The following MARCHF10 variants were observed in gnomAD, a reference collection of about 807,000 sequenced individuals.
MARCHF10 encodes membrane associated ring-CH-type finger 10.
Under a neutral mutation model 76.2 loss-of-function variants are expected in MARCHF10, and 64 were observed. That is an observed-to-expected ratio of 0.84 (90% confidence interval 0.69 to 1.03). The LOEUF (loss-of-function observed/expected upper bound fraction) is 1.03, where lower values mean the gene tolerates loss of function less well. Ranked by LOEUF, MARCHF10 falls within the 50% of genes least tolerant of loss-of-function variation. The pLI is 0.00. For missense variants in MARCHF10, 875 were observed against 958.0 expected, an observed-to-expected ratio of 0.91 and a Z score of 1.14; for synonymous variants, 340 against 357.5, an observed-to-expected ratio of 0.95 and a Z score of 0.55.
intron 5 of MARCHF10, 148 bp from the exon 6 acceptor site, chr17:62,737,480 G>A (rs770745962): frequency 5.5e-6 from 4 of 721,878 alleles, no homozygotes; most frequent in Non-Finnish European, 9.2e-6. Flanking sequence ...GGAGGTACAA[G>A]AGGAGCAGAG....
chr17:62,713,191 T>C (rs1333789974), intron 8 of MARCHF10, among the ~76,000 whole-genome samples: 5 of 152,206 alleles, frequency 3.3e-5, no homozygotes, highest in Non-Finnish European at 7.3e-5. Flanking sequence ...CTTATTTGTT[T>C]ACCTCATCCC....
In MARCHF10 at chr17:62,736,301, C is replaced by T; in HGVS notation, c.1567G>A (p.Ala523Thr). 6.2e-7 allele frequency: 1 copy of T among 1,614,178 alleles called. No homozygotes were observed. The highest frequency in any genetic ancestry group is 8.5e-7 in the Non-Finnish European group (1 of 1,180,030). Residue 523 changes from alanine to threonine, a missense_variant, in exon 6 of 11, where the codon GCC becomes ACC. By Grantham distance (58) the Ala-to-Thr change is moderately conservative. Transcript: ENST00000311269. ...LSPIRNRTPF[A>T]SAENHNYFPV... ...AAATAATTATGGTTTTCGGCACTGG[C>T]AAATGGAGTCCTATTTCTAATGGGA...
chr17:62,748,539 C>A (rs1190596354), intron 4 of MARCHF10, among the ~76,000 whole-genome samples: 1 of 152,128 alleles, frequency 6.6e-6, no homozygotes, highest in Non-Finnish European at 1.5e-5. Flanking sequence ...GAGTTTGAGA[C>A]CAGCCTGGGC....
intron 3 of MARCHF10, among the ~76,000 whole-genome samples, chr17:62,763,405 G>A (rs568974532): frequency 3.2e-4 from 48 of 152,284 alleles, no homozygotes; most frequent in African/African-American, 1.2e-3. Context: ...TAAATGGCCA[G>A]TTGAAATTTA....
chr17:62,765,632 T>A (rs1035139656), intron 3 of MARCHF10, among the ~76,000 whole-genome samples: 1 of 152,068 alleles, frequency 6.6e-6, no homozygotes, highest in East Asian at 1.9e-4. Context: ...CGATTACTAT[T>A]CAGCCCACTA....
intron 4 of MARCHF10, among the ~76,000 whole-genome samples, chr17:62,746,490 T>C (rs2091709320): frequency 6.6e-6 from 1 of 151,420 alleles, no homozygotes; most frequent in African/African-American, 2.4e-5. Context: ...AGGGATCAGG[T>C]GTTTTACACT....
At chr17:62,798,140 A>C (rs1351279023) in intron 2 of MARCHF10, among the ~76,000 whole-genome samples, 1 of 152,184 alleles carries the variant, frequency 6.6e-6, no homozygotes, top group African/African-American at 2.4e-5. Flanking sequence ...TCTTAGTATA[A>C]AGTGGTGGTT....
chr17:62,720,256 T>G (rs1368510356), intron 8 of MARCHF10, among the ~76,000 whole-genome samples: 2 of 152,224 alleles, frequency 1.3e-5, no homozygotes, highest in African/African-American at 2.4e-5. Flanking sequence ...CCAGACGTGA[T>G]GTACTGGGTA....
intron 9 of MARCHF10, among the ~76,000 whole-genome samples, chr17:62,707,133 C>T (rs755777949): frequency 4.1e-4 from 62 of 152,194 alleles, no homozygotes; most frequent in Non-Finnish European, 6.2e-4. Flanking sequence ...AGCAGCCTCC[C>T]GGCTGGTTTC....
At chr17:62,790,121 G>A (rs758166158) in intron 2 of MARCHF10, among the ~76,000 whole-genome samples, 11 of 151,968 alleles carry the variant, frequency 7.2e-5, no homozygotes, top group Non-Finnish European at 1.3e-4. Flanking sequence ...ACAAACCTGA[G>A]GATATCATGT....
chr17:62,777,649 G>A (rs766352771), intron 3 of MARCHF10, among the ~76,000 whole-genome samples: 58 of 139,986 alleles, frequency 4.1e-4, no homozygotes, highest in Admixed American at 2.4e-3. Context: ...AACCTGAATC[G>A]CTTGCAGTGA....
intron 4 of MARCHF10, among the ~76,000 whole-genome samples, chr17:62,754,363 G>A (rs1168759561): frequency 6.6e-6 from 1 of 152,184 alleles, no homozygotes; most frequent in African/African-American, 2.4e-5. Context: ...ATGAGCCACT[G>A]CGCCCGGCCA....
At chr17:62,761,353 C>G (rs980579957) in intron 3 of MARCHF10, among the ~76,000 whole-genome samples, 1 of 152,190 alleles carries the variant, frequency 6.6e-6, no homozygotes, top group African/African-American at 2.4e-5. Flanking sequence ...TTCGATTTTG[C>G]TATTTAATTG....
At chr17:62,724,849 G>C in intron 7 of MARCHF10, 89 bp downstream of exon 7, 1 of 1,417,350 alleles carries the variant, frequency 7.1e-7, no homozygotes, top group Non-Finnish European at 9.8e-7. Flanking sequence ...AGGAGAGTGA[G>C]CTGATGACAA....
At chr17:62,734,491 T>A (rs2091176260) in intron 6 of MARCHF10, among the ~76,000 whole-genome samples, 1 of 152,196 alleles carries the variant, frequency 6.6e-6, no homozygotes, top group African/African-American at 2.4e-5. Flanking sequence ...TGTATTAAGA[T>A]AACTGAGGTG....
intron 10 of MARCHF10, among the ~76,000 whole-genome samples, chr17:62,702,948 T>C (rs995293552): frequency 1.1e-4 from 16 of 152,306 alleles, no homozygotes; most frequent in African/African-American, 3.6e-4. Flanking sequence ...TTCCTGCCCC[T>C]GTCCTCATCT....
chr17:62,780,763 G>A (rs902367165), intron 3 of MARCHF10, among the ~76,000 whole-genome samples: 3 of 152,290 alleles, frequency 2.0e-5, no homozygotes, highest in Non-Finnish European at 4.4e-5. Context: ...CATTTGGAAC[G>A]ACGTCCTTTC....
chr17:62,705,078 A>G (rs2089493791), intron 10 of MARCHF10: 2 of 1,041,172 alleles, frequency 1.9e-6, no homozygotes, highest in South Asian at 3.5e-5. Flanking sequence ...CTCTGAATTC[A>G]GCAGACCCCA....
At chr17:62,704,946 G>GTGTTTTTTTTTT in intron 10 of MARCHF10, 5 of 837,088 alleles carry the variant, frequency 6.0e-6, no homozygotes, top group Non-Finnish European at 7.1e-6. Context: ...TTCTCCAGTC[G>GTGTTTTTTTTTT]TTTTTTTTTT....
Sources: allele counts gnomAD v4.1 joint callset (sites outside exome capture counted in the v4.1 genomes callset), GRCh38; gene constraint gnomAD v4.1.1; transcripts MANE v1.5; gene names NCBI Gene and HGNC (gene_info 2026-07-23, HGNC 2026-07-21).